The following PRKG1 variants were observed in gnomAD, a reference collection of about 807,000 sequenced individuals.
The protein encoded by PRKG1 is cGMP-dependent protein kinase 1.
PRKG1 carries 35 observed loss-of-function variants against 88.1 expected under a neutral mutation model. The ratio of observed to expected loss-of-function variants is 0.40; its 90% CI spans 0.30 to 0.53. PRKG1 has a LOEUF of 0.53. Ranked by LOEUF, PRKG1 falls within the 20% of genes least tolerant of loss-of-function variation. The pLI is 0.59. For missense variants in PRKG1, 540 were observed against 839.8 expected (o/e 0.64, Z 4.41); for synonymous variants, 303 against 292.5 (o/e 1.04, Z -0.37).
intron 1 of PRKG1, among the ~76,000 whole-genome samples, chr10:51,006,760 A>C (rs989320988): frequency 4.6e-5 from 7 of 152,066 alleles, no homozygotes; most frequent in East Asian, 3.9e-4. Context: ...CTAGAAGGAA[A>C]TATTAGAAAC....
At chr10:51,209,572 C>T (rs1003503175) in intron 2 of PRKG1, among the ~76,000 whole-genome samples, 2 of 152,070 alleles carry the variant, frequency 1.3e-5, no homozygotes, top group Admixed American at 6.6e-5. Flanking sequence ...TAAATTAAAA[C>T]TATTTTTAGT....
chr10:51,812,687 C>T (rs988381482), intron 4 of PRKG1, among the ~76,000 whole-genome samples: 5 of 152,182 alleles, frequency 3.3e-5, no homozygotes, highest in Middle Eastern at 3.2e-3. Flanking sequence ...ATCCACTTTT[C>T]ATTTCATGTC....
intron 12 of PRKG1, among the ~76,000 whole-genome samples, chr10:52,275,796 T>C (rs933919780): frequency 1.3e-5 from 2 of 152,204 alleles, no homozygotes; most frequent in African/African-American, 4.8e-5. Flanking sequence ...ATATTGATTC[T>C]ACCCACACAT....
At chr10:51,887,253 G>A (rs753443408) in intron 4 of PRKG1, among the ~76,000 whole-genome samples, 51 of 152,128 alleles carry the variant, frequency 3.4e-4, no homozygotes, top group Non-Finnish European at 6.8e-4. Flanking sequence ...CCAAAGTGCT[G>A]AAATTACAGG....
chr10:52,082,193 C>T (rs919203097), intron 7 of PRKG1, among the ~76,000 whole-genome samples: 1 of 152,086 alleles, frequency 6.6e-6, no homozygotes, highest in Non-Finnish European at 1.5e-5. Flanking sequence ...AGAACAGCAG[C>T]ACAGGGTAAC....
chr10:52,217,562 T>C (rs1840143914), intron 9 of PRKG1, among the ~76,000 whole-genome samples: 2 of 152,114 alleles, frequency 1.3e-5, no homozygotes, highest in Non-Finnish European at 2.9e-5. Context: ...TTATTCAATA[T>C]GGAATAATAG....
At chr10:51,622,979 G>A (rs780591420) in intron 3 of PRKG1, among the ~76,000 whole-genome samples, 2 of 152,148 alleles carry the variant, frequency 1.3e-5, no homozygotes, top group Non-Finnish European at 2.9e-5. Context: ...CTCTGTAAAT[G>A]ACAATTACTC....
At position 51,829,413 on chromosome 10, in the gene PRKG1, G is replaced by A. The variant is rs12267906; in HGVS notation, c.698+24723G>A. Among the ~76,000 whole-genome samples the A allele has an allele frequency of 4.3e-3, 649 of 152,306 alleles. 5 individuals carry two copies. Among genetic ancestry groups the A allele is most frequent in the African/African-American group, 0.015 (606 of 41,560 alleles). The stretch of plus-strand genomic sequence containing the variant: ...TCAGGGATTACTGGTGGCTACCTTA[G>A]AGGCTACCTACCACAGAAGACATAA... On this transcript the variant is annotated intron_variant, in intron 4 of 17. Coordinates refer to ENST00000373980, the MANE Select transcript of PRKG1 (RefSeq NM_006258.4).
intron 3 of PRKG1, among the ~76,000 whole-genome samples, chr10:51,684,699 C>T (rs1589194724): frequency 6.6e-6 from 1 of 151,920 alleles, no homozygotes; most frequent in East Asian, 1.9e-4. Context: ...AACCCTGTCT[C>T]CACCAAAAAT....
intron 10 of PRKG1, among the ~76,000 whole-genome samples, chr10:52,267,566 A>G (rs997785559): frequency 5.9e-5 from 9 of 152,104 alleles, no homozygotes; most frequent in Non-Finnish European, 1.3e-4. Flanking sequence ...CTCCCTAAGG[A>G]AAAATCATTG....
intron 2 of PRKG1, among the ~76,000 whole-genome samples, chr10:51,390,220 T>C (rs1404885367): frequency 1.3e-5 from 2 of 152,248 alleles, no homozygotes; most frequent in African/African-American, 4.8e-5. Flanking sequence ...CATGGCTTTA[T>C]ATCTGAAATG....
chr10:51,562,201 G>T (rs1455833250), intron 3 of PRKG1, among the ~76,000 whole-genome samples: 1 of 144,874 alleles, frequency 6.9e-6, no homozygotes, highest in East Asian at 2.1e-4. Context: ...TACAGCCTAG[G>T]TGACAGACCT....
At chr10:52,239,414 T>C (rs1261265410) in intron 9 of PRKG1, among the ~76,000 whole-genome samples, 1 of 146,424 alleles carries the variant, frequency 6.8e-6, no homozygotes, top group East Asian at 2.0e-4. Flanking sequence ...CTGAAATGAG[T>C]TGATTAGATG....
chr10:51,561,784 C>A (rs1837468219), intron 3 of PRKG1, among the ~76,000 whole-genome samples: 1 of 152,036 alleles, frequency 6.6e-6, no homozygotes. Flanking sequence ...TAAATCCAAT[C>A]CTGATTAATG....
chr10:51,558,551 A>G (rs1837373114), intron 3 of PRKG1, among the ~76,000 whole-genome samples: 3 of 152,106 alleles, frequency 2.0e-5, no homozygotes, highest in Non-Finnish European at 4.4e-5. Flanking sequence ...ATGGGATGTC[A>G]TCAATGGTAA....
At chr10:51,946,732 C>A (rs1281105364) in intron 5 of PRKG1, among the ~76,000 whole-genome samples, 2 of 152,118 alleles carry the variant, frequency 1.3e-5, no homozygotes, top group African/African-American at 4.8e-5. Context: ...CCACTCCAGA[C>A]ACTGTTTGCC....
intron 2 of PRKG1, among the ~76,000 whole-genome samples, chr10:51,372,901 A>G (rs184695140): frequency 1.6e-4 from 25 of 152,278 alleles, no homozygotes; most frequent in Non-Finnish European, 2.6e-4. Context: ...AATGTATTAT[A>G]TTTGTATGAC....
chr10:52,166,800 T>TATATATAC (rs1838463360), intron 9 of PRKG1, among the ~76,000 whole-genome samples: 2 of 1,352 alleles, frequency 1.5e-3, no homozygotes, highest in African/African-American at 1.6e-3. Flanking sequence ...TATATATACA[T>TATATATAC]ATATATATGT....
At chr10:51,767,468 CT>C (rs1399292880) in intron 3 of PRKG1, among the ~76,000 whole-genome samples, 1 of 152,046 alleles carries the variant, frequency 6.6e-6, no homozygotes, top group Non-Finnish European at 1.5e-5. Context: ...TTTCAGTAGA[CT>C]TTTTAGTCTC....
Sources: allele counts gnomAD v4.1 joint callset (sites outside exome capture counted in the v4.1 genomes callset), GRCh38; gene constraint gnomAD v4.1.1; transcripts MANE v1.5; gene names NCBI Gene and HGNC (gene_info 2026-07-23, HGNC 2026-07-21).